CNGB3: variants seen among roughly 807,000 people sequenced by gnomAD.
CNGB3 encodes cyclic nucleotide-gated channel beta-3.
A neutral mutation model predicts 92.8 loss-of-function variants in CNGB3; 86 were observed. The ratio of observed to expected loss-of-function variants is 0.93; its 90% CI spans 0.78 to 1.11. The LOEUF is 1.11. Ranked by LOEUF, CNGB3 falls within the 50% of genes least tolerant of loss-of-function variation. CNGB3 has a pLI of 0.00. For missense variants in CNGB3, 1,026 were observed against 956.8 expected (o/e 1.07, Z -0.95); for synonymous variants, 333 against 332.7 (o/e 1.00, Z -0.01).
rs1339909780 is a variant in CNGB3 at position 86,625,994 on chromosome 8, C to T, written c.1567G>A (p.Asp523Asn). Residue 523 changes from aspartate (D) to asparagine (N), a missense_variant, in exon 13 of 18, where the codon GAC becomes AAC. By Grantham distance (23) the Asp-to-Asn change is conservative. Coordinates refer to ENST00000320005, the MANE Select transcript of CNGB3 (RefSeq NM_019098.5). ...DVNFSIISKV[D>N]LFKGCDTQMI... Reference sequence around the variant, plus strand: ...GTAAAAGCACTTGCCTTGAACAAGTCGACTTTGCTGATGATGCTGAAGTTC... The same window carrying T: ...GTAAAAGCACTTGCCTTGAACAAGTTGACTTTGCTGATGATGCTGAAGTTC... 1.9e-6 allele frequency: 3 copies of T among 1,613,380 alleles called. No individual in the cohort carries two copies. The highest frequency in any genetic ancestry group is 2.7e-5 in the African/African-American group (2 of 75,008).
chr8:86,738,757 C>T (rs1387165913), intron 2 of CNGB3, among the ~76,000 whole-genome samples: 2 of 149,618 alleles, frequency 1.3e-5, no homozygotes, highest in African/African-American at 4.9e-5. Context: ...AGGAGAATGG[C>T]CTGAACCCGG....
chr8:86,724,898 G>T (rs1825033672), intron 3 of CNGB3, among the ~76,000 whole-genome samples: 1 of 152,188 alleles, frequency 6.6e-6, no homozygotes, highest in Admixed American at 6.6e-5. Flanking sequence ...AGGTGGGAAA[G>T]TTGTGTGTTG....
At chr8:86,665,747 A>G (rs1823729501) in intron 6 of CNGB3, among the ~76,000 whole-genome samples, 1 of 152,278 alleles carries the variant, frequency 6.6e-6, no homozygotes, top group African/African-American at 2.4e-5. Context: ...TAGAGGGAGG[A>G]GGAATGCAGG....
chr8:86,610,723 T>C (rs1177291411), intron 14 of CNGB3, among the ~76,000 whole-genome samples: 1 of 152,240 alleles, frequency 6.6e-6, no homozygotes, highest in Non-Finnish European at 1.5e-5. Context: ...ATTATTGAGT[T>C]TATCTTTGGT....
chr8:86,586,562 C>A (rs1305691565), intron 15 of CNGB3, among the ~76,000 whole-genome samples: 1 of 148,352 alleles, frequency 6.7e-6, no homozygotes, highest in Non-Finnish European at 1.5e-5. Context: ...GTTCAATTCC[C>A]ACCTATGAGT....
intron 3 of CNGB3, among the ~76,000 whole-genome samples, chr8:86,719,694 G>T (rs1186128461): frequency 6.6e-6 from 1 of 151,974 alleles, no homozygotes; most frequent in African/African-American, 2.4e-5. Context: ...GACAAAGCAA[G>T]GCTAAACAAA....
At chr8:86,676,002 C>A (rs549359356) in intron 3 of CNGB3, among the ~76,000 whole-genome samples, 2 of 151,910 alleles carry the variant, frequency 1.3e-5, no homozygotes, top group Admixed American at 6.6e-5. Context: ...GGTGGGGTTG[C>A]GGGGAAGTCC....
intron 6 of CNGB3, among the ~76,000 whole-genome samples, chr8:86,665,301 A>G (rs1383318123): frequency 6.6e-6 from 1 of 152,232 alleles, no homozygotes; most frequent in Non-Finnish European, 1.5e-5. Flanking sequence ...AAAAGGGAGC[A>G]CTTATAAACT....
chr8:86,685,137 A>G (rs1286945781), intron 3 of CNGB3, among the ~76,000 whole-genome samples: 2 of 152,122 alleles, frequency 1.3e-5, no homozygotes, highest in African/African-American at 4.8e-5. Flanking sequence ...TAAAGGGTAT[A>G]TGGGATATTT....
chr8:86,714,442 A>G (rs893005607), intron 3 of CNGB3, among the ~76,000 whole-genome samples: 1 of 152,200 alleles, frequency 6.6e-6, no homozygotes, highest in Non-Finnish European at 1.5e-5. Context: ...AATGTTCTAC[A>G]TATAGTTTGC....
chr8:86,651,580 T>C (rs1024936590), intron 7 of CNGB3, among the ~76,000 whole-genome samples: 4 of 151,758 alleles, frequency 2.6e-5, no homozygotes, highest in African/African-American at 9.7e-5. Flanking sequence ...AAACTTACAG[T>C]TTTTGGCTTA....
intron 3 of CNGB3, among the ~76,000 whole-genome samples, chr8:86,694,515 C>G (rs1310886315): frequency 1.3e-5 from 2 of 150,690 alleles, no homozygotes; most frequent in African/African-American, 4.9e-5. Context: ...GGGCGGCTGC[C>G]GGGTGGCGGG....
intron 6 of CNGB3, chr8:86,657,816 TG>T (rs1370528878): frequency 9.9e-6 from 5 of 506,596 alleles, no homozygotes; most frequent in Non-Finnish European, 2.0e-5. Context: ...GTATTCCTTC[TG>T]GTGCCACGTC....
intron 3 of CNGB3, among the ~76,000 whole-genome samples, chr8:86,722,762 T>C (rs1221526387): frequency 6.6e-6 from 1 of 152,196 alleles, no homozygotes; most frequent in Non-Finnish European, 1.5e-5. Context: ...TTGGTCTTTT[T>C]CTGACTTCAG....
At chr8:86,718,002 T>C (rs990622876) in intron 3 of CNGB3, among the ~76,000 whole-genome samples, 1 of 152,100 alleles carries the variant, frequency 6.6e-6, no homozygotes, top group Non-Finnish European at 1.5e-5. Flanking sequence ...ACCCCTGGGA[T>C]ATATCAAAAG....
chr8:86,639,270 A>T (rs2131590886), intron 10 of CNGB3, among the ~76,000 whole-genome samples: 1 of 152,258 alleles, frequency 6.6e-6, no homozygotes, highest in East Asian at 1.9e-4. Flanking sequence ...ATATGTGGAC[A>T]AAAATACATT....
chr8:86,595,591 T>C (rs1251215263), intron 15 of CNGB3, among the ~76,000 whole-genome samples: 3 of 152,008 alleles, frequency 2.0e-5, no homozygotes, highest in East Asian at 1.9e-4. Flanking sequence ...GTTTGAGATA[T>C]GAAAAAAATG....
At chr8:86,637,404 C>A (rs1823092586) in intron 10 of CNGB3, among the ~76,000 whole-genome samples, 1 of 152,048 alleles carries the variant, frequency 6.6e-6, no homozygotes, top group Admixed American at 6.6e-5. Context: ...ATGCCTTTGG[C>A]TTTGTCCTTT....
intron 10 of CNGB3, 46 bp from the exon 11 acceptor site, chr8:86,632,939 G>T: frequency 1.3e-6 from 2 of 1,521,666 alleles, no homozygotes; most frequent in Non-Finnish European, 9.1e-7. Flanking sequence ...CTATATCATC[G>T]AAAGACCACT....
Sources: gnomAD v4.1 joint callset for allele counts (sites outside exome capture counted in the v4.1 genomes callset) on GRCh38, gnomAD v4.1.1 for gene constraint, MANE v1.5 for transcripts, NCBI Gene and HGNC (gene_info 2026-07-23, HGNC 2026-07-21) for gene names.